Variants in RBFOX1 observed in about 807,000 individuals in gnomAD.
RBFOX1 encodes the protein RNA binding fox-1 homolog 1.
A neutral mutation model predicts 57.7 loss-of-function variants in RBFOX1; 8 were observed. The ratio of observed to expected loss-of-function variants is 0.14; its 90% CI spans 0.08 to 0.25. RBFOX1 has a LOEUF of 0.25. Among genes scored for constraint, RBFOX1 ranks in the 10% least tolerant of loss-of-function variants. The probability of loss-of-function intolerance (pLI) is 1.00; values close to 1 mark genes in which losing one functional copy is unlikely to be tolerated. For synonymous variants in RBFOX1, 326 were observed against 222.4 expected (o/e 1.47, Z -4.15); for missense variants, 611 against 548.5 (o/e 1.11, Z -1.14).
intron 3 of RBFOX1, among the ~76,000 whole-genome samples, chr16:6,696,777 G>T (rs1457959287): frequency 6.6e-6 from 1 of 152,040 alleles, no homozygotes; most frequent in Non-Finnish European, 1.5e-5. Flanking sequence ...TGTTTGGAGT[G>T]TTTAGTTTTG....
chr16:7,166,598 C>T (rs1297101911), intron 4 of RBFOX1, among the ~76,000 whole-genome samples: 1 of 152,054 alleles, frequency 6.6e-6, no homozygotes, highest in East Asian at 1.9e-4. Context: ...GGGCTGTGTG[C>T]CTTGTTGTTG....
intron 4 of RBFOX1, among the ~76,000 whole-genome samples, chr16:7,508,273 C>T (rs1253194423): frequency 6.6e-6 from 1 of 152,148 alleles, no homozygotes; most frequent in Non-Finnish European, 1.5e-5. Context: ...CCACCGCGCC[C>T]GGCCAGTTGT....
chr16:6,724,434 C>G (rs143153629), intron 3 of RBFOX1, among the ~76,000 whole-genome samples: 9 of 151,986 alleles, frequency 5.9e-5, no homozygotes, highest in Non-Finnish European at 2.9e-5. Context: ...TCTCGAACTC[C>G]TGACCTCAGG....
chr16:6,849,405 A>C (rs1237960250), intron 3 of RBFOX1, among the ~76,000 whole-genome samples: 1 of 152,202 alleles, frequency 6.6e-6, no homozygotes, highest in African/African-American at 2.4e-5. Context: ...GTGGTGGCTC[A>C]CACCTGTAAT....
chr16:6,164,456 C>T (rs1225361894), intron 1 of RBFOX1, among the ~76,000 whole-genome samples: 1 of 147,898 alleles, frequency 6.8e-6, no homozygotes, highest in East Asian at 2.0e-4. Flanking sequence ...TTCTTTTTTG[C>T]ATTGTTATAT....
At chr16:6,884,591 G>C (rs144294497) in intron 3 of RBFOX1, among the ~76,000 whole-genome samples, 1 of 151,982 alleles carries the variant, frequency 6.6e-6, no homozygotes, top group African/African-American at 2.4e-5. Context: ...ATTTTGAAGA[G>C]ATTAAAAAAC....
intron 4 of RBFOX1, among the ~76,000 whole-genome samples, chr16:7,139,546 T>C (rs1352047571): frequency 6.6e-6 from 1 of 152,112 alleles, no homozygotes; most frequent in African/African-American, 2.4e-5. Flanking sequence ...TCCTGGCATA[T>C]TATCTGTGCT....
At chr16:6,161,091 T>C (rs1597917510) in intron 1 of RBFOX1, among the ~76,000 whole-genome samples, 1 of 152,072 alleles carries the variant, frequency 6.6e-6, no homozygotes, top group Non-Finnish European at 1.5e-5. Context: ...AATAAATAAA[T>C]GGAGAAGTGA....
intron 1 of RBFOX1, among the ~76,000 whole-genome samples, chr16:6,188,675 A>G (rs1013851605): frequency 1.3e-5 from 2 of 152,188 alleles, no homozygotes; most frequent in Non-Finnish European, 2.9e-5. Context: ...GCTGTGAATG[A>G]AAAAATCTTG....
chr16:5,415,134 A>T (rs1477750826), intron 1 of RBFOX1, among the ~76,000 whole-genome samples: 2 of 152,188 alleles, frequency 1.3e-5, no homozygotes, highest in African/African-American at 4.8e-5. Flanking sequence ...ACGCTGTTCT[A>T]AAGATACTAC....
At chr16:5,919,012 A>T (rs1178137225) in intron 4 of RBFOX1, among the ~76,000 whole-genome samples, 2 of 152,184 alleles carry the variant, frequency 1.3e-5, no homozygotes, top group Non-Finnish European at 1.5e-5. Flanking sequence ...TGACCATGGG[A>T]TAATTTGCCT....
At chr16:5,616,856 T>A (rs1011295346) in intron 3 of RBFOX1, among the ~76,000 whole-genome samples, 3 of 148,048 alleles carry the variant, frequency 2.0e-5, no homozygotes, top group Non-Finnish European at 4.5e-5. Context: ...TTGCTCCTCA[T>A]CCTCCCTTCC....
chr16:6,180,387 C>T (rs905008622), intron 1 of RBFOX1, among the ~76,000 whole-genome samples: 2 of 151,738 alleles, frequency 1.3e-5, no homozygotes, highest in East Asian at 3.9e-4. Flanking sequence ...TTCATTTTAT[C>T]TAGGTTATCT....
At chr16:7,116,014 C>A (rs1412546470) in intron 4 of RBFOX1, among the ~76,000 whole-genome samples, 3 of 152,132 alleles carry the variant, frequency 2.0e-5, no homozygotes, top group Non-Finnish European at 4.4e-5. Context: ...TTGTGCCAGG[C>A]ACTGTACTAA....
rs144987725 is a variant in RBFOX1 at position 6,947,339 on chromosome 16, C to T, written c.-15-104718C>T. ...TGATTTAACAGTCTTTAAGAGATAA[C>T]ATTATGAAGACACCTGGGTGCCTGA... is the stretch of plus-strand genomic sequence containing the variant. On this transcript the variant is annotated intron_variant, in intron 3 of 15. Coordinates refer to ENST00000550418, the MANE Select transcript of RBFOX1 (RefSeq NM_018723.4). Among the ~76,000 whole-genome samples the T allele has an allele frequency of 2.0e-5, 3 of 152,252 alleles. No homozygotes were observed. In the East Asian group the frequency reaches 5.8e-4, roughly 29 times the overall value.
At chr16:6,160,731 T>C (rs938466223) in intron 1 of RBFOX1, among the ~76,000 whole-genome samples, 1 of 152,164 alleles carries the variant, frequency 6.6e-6, no homozygotes, top group Admixed American at 6.5e-5. Flanking sequence ...CCATCTTGCC[T>C]CCTGCAACTG....
chr16:6,656,075 C>G (rs17665667), intron 3 of RBFOX1, among the ~76,000 whole-genome samples: 2 of 151,946 alleles, frequency 1.3e-5, no homozygotes, highest in Non-Finnish European at 2.9e-5. Context: ...TTTGCATTCA[C>G]CATGTGTTTG....
At chr16:7,163,173 A>G (rs576490909) in intron 4 of RBFOX1, among the ~76,000 whole-genome samples, 6 of 152,148 alleles carry the variant, frequency 3.9e-5, no homozygotes, top group Admixed American at 2.6e-4. Flanking sequence ...ATATTGGCCA[A>G]CTGAGATTTG....
intron 1 of RBFOX1, among the ~76,000 whole-genome samples, chr16:5,243,484 T>G (rs2062220299): frequency 6.6e-6 from 1 of 152,052 alleles, no homozygotes; most frequent in African/African-American, 2.4e-5. Flanking sequence ...ACACTTGGGG[T>G]GAGACCATTC....
Sources: allele counts gnomAD v4.1 joint callset (sites outside exome capture counted in the v4.1 genomes callset), GRCh38; gene constraint gnomAD v4.1.1; transcripts MANE v1.5; gene names NCBI Gene and HGNC (gene_info 2026-07-23, HGNC 2026-07-21).